GNB4: variants seen among roughly 807,000 people sequenced by gnomAD.
GNB4 encodes the protein G protein subunit beta 4.
Under a neutral mutation model 45.2 loss-of-function variants are expected in GNB4, and 28 were observed. The observed-to-expected ratio is 0.62, with a 90% CI of 0.46 to 0.85. The LOEUF is 0.85. Ranked by LOEUF, GNB4 falls within the 40% of genes least tolerant of loss-of-function variation. GNB4 has a pLI of 0.00. For synonymous variants in GNB4, 132 were observed against 143.7 expected, an observed-to-expected ratio of 0.92 and a Z score of 0.58; for missense variants, 321 against 425.4, an observed-to-expected ratio of 0.75 and a Z score of 2.16.
chr3:179,445,677 A>C, intron 1 of GNB4, among the ~76,000 whole-genome samples: 1 of 152,352 alleles, frequency 6.6e-6, no homozygotes, highest in East Asian at 1.9e-4. Flanking sequence ...TAAATAGGAG[A>C]GTAGTTATGA....
At chr3:179,523,298 C>T in the GNB4 span, among the ~76,000 whole-genome samples, 11 of 152,232 alleles carry the variant, frequency 7.2e-5, no homozygotes, top group African/African-American at 2.6e-4. Context: ...TGCGGCAGTA[C>T]AGCCCAGGTA....
At chr3:179,437,060 C>T (rs1002492660) in intron 1 of GNB4, among the ~76,000 whole-genome samples, 1 of 152,136 alleles carries the variant, frequency 6.6e-6, no homozygotes, top group East Asian at 1.9e-4. Flanking sequence ...AAGGAGTTTA[C>T]AGTCTAAAAG....
the GNB4 span, among the ~76,000 whole-genome samples, chr3:179,507,456 G>C: frequency 6.6e-6 from 1 of 152,146 alleles, no homozygotes; most frequent in South Asian, 2.1e-4. Flanking sequence ...GAAAAGAAAG[G>C]CTTGTAGCAT....
chr3:179,483,555 T>C, the GNB4 span, among the ~76,000 whole-genome samples: 1 of 152,142 alleles, frequency 6.6e-6, no homozygotes, highest in African/African-American at 2.4e-5. Flanking sequence ...ATCAGCCTAA[T>C]TTCATTTCCC....
chr3:179,457,021 G>A, the GNB4 span, among the ~76,000 whole-genome samples: 1 of 152,184 alleles, frequency 6.6e-6, no homozygotes, highest in Non-Finnish European at 1.5e-5. Flanking sequence ...AAGAAAAGAT[G>A]AAAAGGAGCC....
chr3:179,396,422 A>T lies in GNB4; in HGVS notation c.*4791T>A, dbSNP rs1714115449. The T allele has an allele frequency of 6.6e-6, 1 of 152,254 alleles. No individual in the cohort carries two copies. Among genetic ancestry groups the T allele is most frequent in the Admixed American group, 6.5e-5 (1 of 15,292 alleles). The allele number at this position is 152,254 out of a possible 1,614,324, so 9.4% of individuals were successfully genotyped here. A position where few individuals can be genotyped will look rare whatever the true frequency, so the allele number is the denominator to read the frequency against. ...TTAGATGTGGATGCCTTTGGATAGG[A>T]AAATAGAAATGCAAGTGTTCAGATG... On this transcript the variant is annotated 3_prime_UTR_variant, in exon 10 of 10. Coordinates refer to ENST00000232564, the MANE Select transcript of GNB4 (RefSeq NM_021629.4).
At chr3:179,517,600 C>T in the GNB4 span, among the ~76,000 whole-genome samples, 1 of 152,184 alleles carries the variant, frequency 6.6e-6, no homozygotes, top group Non-Finnish European at 1.5e-5. Context: ...CCAACCAGCC[C>T]AAGGAACATC....
At chr3:179,448,289 T>C (rs1715787555) in intron 1 of GNB4, among the ~76,000 whole-genome samples, 1 of 152,220 alleles carries the variant, frequency 6.6e-6, no homozygotes, top group African/African-American at 2.4e-5. Flanking sequence ...ATTTCTCTTC[T>C]TCCACGTTGG....
chr3:179,460,926 A>G, the GNB4 span, among the ~76,000 whole-genome samples: 5 of 152,328 alleles, frequency 3.3e-5, no homozygotes, highest in African/African-American at 9.6e-5. Context: ...TTATGGCAGG[A>G]AATACAGATG....
At chr3:179,527,409 C>T in the GNB4 span, among the ~76,000 whole-genome samples, 17 of 152,268 alleles carry the variant, frequency 1.1e-4, no homozygotes, top group South Asian at 3.3e-3. Flanking sequence ...AATTGAGATG[C>T]TTAGACATCC....
At chr3:179,489,722 G>T in the GNB4 span, among the ~76,000 whole-genome samples, 1 of 152,146 alleles carries the variant, frequency 6.6e-6, no homozygotes, top group Non-Finnish European at 1.5e-5. Flanking sequence ...AATTCTAAAA[G>T]GAGGTGAAAT....
intron 1 of GNB4, among the ~76,000 whole-genome samples, chr3:179,430,588 G>A (rs1715281598): frequency 6.6e-6 from 1 of 150,988 alleles, no homozygotes; most frequent in South Asian, 2.1e-4. Context: ...CCAGTAGCTG[G>A]GACTACAGGC....
chr3:179,470,598 G>A, the GNB4 span, among the ~76,000 whole-genome samples: 3 of 151,566 alleles, frequency 2.0e-5, no homozygotes, highest in Non-Finnish European at 4.4e-5. Flanking sequence ...AGGCTGGAGT[G>A]CAATGGCGCG....
chr3:179,496,733 C>T, the GNB4 span, among the ~76,000 whole-genome samples: 30 of 151,906 alleles, frequency 2.0e-4, no homozygotes, highest in African/African-American at 4.8e-4. Flanking sequence ...AAAACTGTAA[C>T]GGGAGACAAA....
At chr3:179,507,555 G>A in the GNB4 span, among the ~76,000 whole-genome samples, 4 of 152,172 alleles carry the variant, frequency 2.6e-5, no homozygotes, top group Admixed American at 6.5e-5. Context: ...TGAAAAATCC[G>A]TAGTTGTTGG....
chr3:179,476,039 A>G, the GNB4 span, among the ~76,000 whole-genome samples: 10 of 152,226 alleles, frequency 6.6e-5, no homozygotes, highest in African/African-American at 2.4e-4. Flanking sequence ...GTACCAGCTC[A>G]AAAGTTCAAA....
upstream of GNB4, among the ~76,000 whole-genome samples, chr3:179,454,761 T>A (rs1715954061): frequency 6.6e-6 from 1 of 152,212 alleles, no homozygotes; most frequent in Non-Finnish European, 1.5e-5. Context: ...GCATTCCAAT[T>A]CTATTGTGTT....
the GNB4 span, among the ~76,000 whole-genome samples, chr3:179,498,748 G>GTT: frequency 0.051 from 5,979 of 117,384 alleles, 275 homozygotes; most frequent in Middle Eastern, 0.16. Flanking sequence ...GTTGAGGTTT[G>GTT]GTTTTTTTTT....
At chr3:179,505,338 TA>T in the GNB4 span, among the ~76,000 whole-genome samples, 1 of 152,214 alleles carries the variant, frequency 6.6e-6, no homozygotes, top group African/African-American at 2.4e-5. Flanking sequence ...TTGAGCTTCT[TA>T]AGTCATGAAG....
Sources: allele counts gnomAD v4.1 joint callset (sites outside exome capture counted in the v4.1 genomes callset), GRCh38; gene constraint gnomAD v4.1.1; transcripts MANE v1.5; gene names NCBI Gene and HGNC (gene_info 2026-07-23, HGNC 2026-07-21).